ZFPM2: variants seen among roughly 807,000 people sequenced by gnomAD.
ZFPM2 encodes zinc finger protein ZFPM2.
A neutral mutation model predicts 98.6 loss-of-function variants in ZFPM2; 20 were observed. That is an observed-to-expected ratio of 0.20 (90% CI 0.14 to 0.29). ZFPM2 has a LOEUF of 0.29. Ranked by LOEUF, ZFPM2 falls within the 10% of genes least tolerant of loss-of-function variation. ZFPM2 has a pLI of 1.00. For missense variants in ZFPM2, 1,310 were observed against 1,388.6 expected (o/e 0.94, Z 0.90); for synonymous variants, 518 against 502.7 (o/e 1.03, Z -0.41).
Position 105,802,927 on chromosome 8 carries a change from G to A in ZFPM2, c.2845G>A (p.Ala949Thr). The change falls in exon 8 of 8, where the codon GCT (alanine) becomes ACT (threonine). Residue 949 changes from alanine (A) to threonine (T), a missense_variant. Coordinates refer to ENST00000407775, the MANE Select transcript of ZFPM2 (RefSeq NM_012082.4). ...LQGLKVFSEAAQLIATKEENR... is the reference protein window; with the variant it reads ...LQGLKVFSEATQLIATKEENR... Reference sequence around the variant, plus strand: ...AGGCTTGAAGGTCTTTAGTGAAGCTGCTCAGCTCATTGCTACAAAAGAAGA... The same window carrying A: ...AGGCTTGAAGGTCTTTAGTGAAGCTACTCAGCTCATTGCTACAAAAGAAGA... 1 of 1,613,334 alleles carries A rather than the reference G, an allele frequency of 6.2e-7. No homozygotes were observed. The highest frequency in any genetic ancestry group is 1.7e-4 in the Middle Eastern group (1 of 6,060).
intron 4 of ZFPM2, among the ~76,000 whole-genome samples, chr8:105,625,427 CACTT>C (rs1816633434): frequency 6.6e-6 from 1 of 152,096 alleles, no homozygotes; most frequent in South Asian, 2.1e-4. Context: ...TTGCAACTCT[CACTT>C]AAAGGACATC....
chr8:105,577,763 T>C lies in ZFPM2; in HGVS notation c.420+16282T>C, dbSNP rs570452987. 1.1e-3 allele frequency among the ~76,000 whole-genome samples: 160 copies of C among 145,096 alleles called. 1 individual carries two copies. Among genetic ancestry groups the C allele is most frequent in the Non-Finnish European group, 2.1e-3 (138 of 65,780 alleles). Reference sequence around the variant, plus strand: ...CCCAATTTAATTAAAGTGGCAAATATGGTGAGGAAACCAAAAAAAAAAAAA... The same window carrying C: ...CCCAATTTAATTAAAGTGGCAAATACGGTGAGGAAACCAAAAAAAAAAAAA... On this transcript the variant is annotated intron_variant, in intron 4 of 7. Transcript: ENST00000407775.
At chr8:105,564,592 A>G (rs547963088) in intron 4 of ZFPM2, among the ~76,000 whole-genome samples, 2 of 152,220 alleles carry the variant, frequency 1.3e-5, no homozygotes, top group African/African-American at 4.8e-5. Flanking sequence ...ATTTGGTTCT[A>G]TCATAAATCA....
chr8:105,347,023 G>A (rs552513820), intron 1 of ZFPM2, among the ~76,000 whole-genome samples: 2 of 152,132 alleles, frequency 1.3e-5, no homozygotes, highest in Non-Finnish European at 2.9e-5. Flanking sequence ...GAACAGCACA[G>A]ATAGATTTAA....
At chr8:105,401,840 T>C (rs1811347300) in intron 1 of ZFPM2, among the ~76,000 whole-genome samples, 1 of 152,168 alleles carries the variant, frequency 6.6e-6, no homozygotes, top group Non-Finnish European at 1.5e-5. Flanking sequence ...ACATTTGATT[T>C]TTAGAAACTA....
intron 5 of ZFPM2, among the ~76,000 whole-genome samples, chr8:105,706,970 G>A (rs1177775486): frequency 6.6e-6 from 1 of 151,116 alleles, no homozygotes; most frequent in East Asian, 2.0e-4. Flanking sequence ...GCTGGGTGTG[G>A]TGGCTCATGG....
At chr8:105,423,365 A>G (rs966633120) in intron 2 of ZFPM2, among the ~76,000 whole-genome samples, 2 of 152,188 alleles carry the variant, frequency 1.3e-5, no homozygotes, top group Non-Finnish European at 2.9e-5. Flanking sequence ...TTTCTTTGAA[A>G]TGAAATGAAC....
intron 5 of ZFPM2, among the ~76,000 whole-genome samples, chr8:105,646,809 T>C (rs1586171577): frequency 6.6e-6 from 1 of 152,230 alleles, no homozygotes; most frequent in East Asian, 1.9e-4. Context: ...GGAAGTCCTG[T>C]CTCATTGTTG....
chr8:105,340,792 A>G (rs558871486), intron 1 of ZFPM2, among the ~76,000 whole-genome samples: 42 of 151,980 alleles, frequency 2.8e-4, no homozygotes, highest in Non-Finnish European at 5.2e-4. Context: ...GGTTGGCAAC[A>G]GGCAATAAAC....
chr8:105,798,986 A>G (rs759383571), intron 7 of ZFPM2, 38 bp downstream of exon 7: 1 of 1,551,632 alleles, frequency 6.4e-7, no homozygotes, highest in Admixed American at 1.7e-5. Context: ...GCTCCAGAAG[A>G]CTCTGTTATT....
chr8:105,390,326 A>T (rs997896236), intron 1 of ZFPM2, among the ~76,000 whole-genome samples: 1 of 152,232 alleles, frequency 6.6e-6, no homozygotes, highest in African/African-American at 2.4e-5. Flanking sequence ...TTATGACAGT[A>T]CTTTTATTTT....
chr8:105,717,357 C>T (rs1738508408), intron 5 of ZFPM2, among the ~76,000 whole-genome samples: 1 of 152,028 alleles, frequency 6.6e-6, no homozygotes, highest in South Asian at 2.1e-4. Context: ...ACTCATCTCC[C>T]TCTTCTCTGA....
intron 5 of ZFPM2, among the ~76,000 whole-genome samples, chr8:105,778,775 G>T (rs1257223892): frequency 6.6e-6 from 1 of 151,986 alleles, no homozygotes; most frequent in Non-Finnish European, 1.5e-5. Flanking sequence ...TTATGCAAGA[G>T]CTATTTAAAA....
intron 4 of ZFPM2, among the ~76,000 whole-genome samples, chr8:105,585,210 A>G (rs1317192060): frequency 1.3e-5 from 2 of 152,324 alleles, no homozygotes; most frequent in East Asian, 3.9e-4. Flanking sequence ...TTTCCACACT[A>G]GGTACTATGA....
intron 7 of ZFPM2, among the ~76,000 whole-genome samples, chr8:105,799,429 A>G (rs763714739): frequency 2.9e-4 from 44 of 152,210 alleles, no homozygotes; most frequent in Non-Finnish European, 5.3e-4. Flanking sequence ...AATATGGATC[A>G]GTAAAATATT....
At chr8:105,507,874 C>T (rs1813735784) in intron 3 of ZFPM2, among the ~76,000 whole-genome samples, 1 of 152,116 alleles carries the variant, frequency 6.6e-6, no homozygotes, top group East Asian at 1.9e-4. Flanking sequence ...GTAATTGAAA[C>T]TGATGAGTAG....
intron 5 of ZFPM2, among the ~76,000 whole-genome samples, chr8:105,650,331 C>A (rs1187349237): frequency 6.6e-6 from 1 of 152,086 alleles, no homozygotes; most frequent in Non-Finnish European, 1.5e-5. Context: ...AAACCAGCTC[C>A]TGGATTCATT....
intron 5 of ZFPM2, among the ~76,000 whole-genome samples, chr8:105,701,209 A>T (rs1453988401): frequency 1.3e-5 from 2 of 152,236 alleles, no homozygotes; most frequent in African/African-American, 2.4e-5. Flanking sequence ...GACATCTGAC[A>T]AGCAAAACCT....
chr8:105,517,837 A>C (rs1813969849), intron 3 of ZFPM2, among the ~76,000 whole-genome samples: 1 of 152,058 alleles, frequency 6.6e-6, no homozygotes, highest in African/African-American at 2.4e-5. Context: ...ACATGAGCCC[A>C]GGAGGTCCAG....
Sources: allele counts gnomAD v4.1 joint callset (sites outside exome capture counted in the v4.1 genomes callset), GRCh38; gene constraint gnomAD v4.1.1; transcripts MANE v1.5; gene names NCBI Gene and HGNC (gene_info 2026-07-23, HGNC 2026-07-21).